Variants in NEGR1 observed in about 807,000 individuals in gnomAD.
The protein encoded by NEGR1 is neuronal growth regulator 1.
NEGR1 carries 10 observed loss-of-function variants against 40.9 expected under a neutral mutation model. The ratio of observed to expected loss-of-function variants is 0.24; its 90% CI spans 0.15 to 0.42. NEGR1 has a LOEUF of 0.42. NEGR1 is among the 10% of genes least tolerant of loss of function. The pLI, the probability that NEGR1 is intolerant of heterozygous loss-of-function variation, is 1.00. For synonymous variants in NEGR1, 185 were observed against 166.8 expected (o/e 1.11, Z -0.84); for missense variants, 352 against 438.9 (o/e 0.80, Z 1.77).
intron 1 of NEGR1, among the ~76,000 whole-genome samples, chr1:72,080,206 G>A (rs1647936197): frequency 6.6e-6 from 1 of 152,034 alleles, no homozygotes; most frequent in Non-Finnish European, 1.5e-5. Context: ...TTATCAGGGT[G>A]ATTTTGAAGT....
chr1:71,990,246 T>C (rs1646437487), intron 1 of NEGR1, among the ~76,000 whole-genome samples: 1 of 152,188 alleles, frequency 6.6e-6, no homozygotes, highest in Admixed American at 6.5e-5. Context: ...CTGTCACAGC[T>C]ACCTGACTCC....
At chr1:72,275,746 A>G (rs987899958) in intron 1 of NEGR1, among the ~76,000 whole-genome samples, 6 of 152,236 alleles carry the variant, frequency 3.9e-5, no homozygotes, top group Admixed American at 6.5e-5. Flanking sequence ...AGACACAAAC[A>G]TAAGTGTCTT....
chr1:71,998,740 C>T (rs1646528035), intron 1 of NEGR1, among the ~76,000 whole-genome samples: 1 of 151,048 alleles, frequency 6.6e-6, no homozygotes, highest in African/African-American at 2.4e-5. Context: ...TTCTTTTATA[C>T]ATAAGTATAT....
intron 2 of NEGR1, among the ~76,000 whole-genome samples, chr1:71,881,877 C>T (rs1016322521): frequency 6.6e-6 from 1 of 152,028 alleles, no homozygotes; most frequent in Non-Finnish European, 1.5e-5. Context: ...TCAGCTACAT[C>T]TGTGTACTGT....
intron 1 of NEGR1, among the ~76,000 whole-genome samples, chr1:72,122,986 T>C (rs17588812): frequency 0.033 from 4,972 of 152,060 alleles, 128 homozygotes; most frequent in Admixed American, 0.059. Flanking sequence ...ATTGAGAACA[T>C]GTAACATTCC....
Position 72,015,114 on chromosome 1 carries a change from CTAA to C in NEGR1, c.177-79806_177-79804del, listed in dbSNP as rs904506717. ...AGAAAAAAATCTTTTGACAGTCACA[CTAA>C]TGAGTTAAACTAGAAAATACAATTT... On this transcript the variant is annotated intron_variant, in intron 1 of 6. Coordinates refer to ENST00000357731, the MANE Select transcript of NEGR1 (RefSeq NM_173808.3). 1.9e-5 allele frequency among the ~76,000 whole-genome samples: 2 copies of C among 105,626 alleles called. 1 individual carries two copies. Among genetic ancestry groups the C allele is most frequent in the East Asian group, 7.3e-4 (2 of 2,728 alleles). 69.3% of individuals were successfully genotyped at this position (105,626 alleles called of 152,430 possible). A position where few individuals can be genotyped will look rare whatever the true frequency, so the allele number is the denominator to read the frequency against.
rs1660628645 is a variant in NEGR1, at chr1:71,883,229, C to T, written c.409+51850G>A. Among the ~76,000 whole-genome samples, 4 of 152,120 alleles carry T rather than the reference C, an allele frequency of 2.6e-5. No homozygotes were observed. In the South Asian group the frequency reaches 8.3e-4, roughly 32 times the overall value. On this transcript the variant is annotated intron_variant, in intron 2 of 6. Transcript: ENST00000357731. ...TTTCCTCTATTACATTCCATTCAGACCATAAAACTGCCACCTTAATTCTAT... is the reference window on the plus strand; with the variant it reads ...TTTCCTCTATTACATTCCATTCAGATCATAAAACTGCCACCTTAATTCTAT...
intron 6 of NEGR1, among the ~76,000 whole-genome samples, chr1:71,589,524 A>AT (rs1649429416): frequency 6.6e-6 from 1 of 151,898 alleles, no homozygotes; most frequent in South Asian, 2.1e-4. Flanking sequence ...AAATGACCTA[A>AT]TTTTTTCTTT....
chr1:71,754,177 C>T (rs2101691091), intron 3 of NEGR1, among the ~76,000 whole-genome samples: 1 of 152,262 alleles, frequency 6.6e-6, no homozygotes, highest in African/African-American at 2.4e-5. Context: ...GAAGTGGAGT[C>T]CAATGACCAG....
chr1:71,651,849 C>A (rs530971721), intron 4 of NEGR1, among the ~76,000 whole-genome samples: 1 of 152,224 alleles, frequency 6.6e-6, no homozygotes, highest in East Asian at 1.9e-4. Context: ...TGAATCCTTA[C>A]AATTTTATAA....
intron 1 of NEGR1, among the ~76,000 whole-genome samples, chr1:72,235,592 T>C (rs1028297384): frequency 3.9e-5 from 6 of 152,034 alleles, no homozygotes; most frequent in African/African-American, 1.2e-4. Context: ...GAGTAAAATC[T>C]GGAAGGAGGA....
At chr1:71,613,214 C>G (rs1436401002) in intron 4 of NEGR1, among the ~76,000 whole-genome samples, 1 of 151,978 alleles carries the variant, frequency 6.6e-6, no homozygotes, top group Non-Finnish European at 1.5e-5. Flanking sequence ...GGCTTGTGGT[C>G]TACTCTGAAA....
chr1:71,682,332 T>TTAA (rs1652866441), intron 4 of NEGR1, among the ~76,000 whole-genome samples: 1 of 152,240 alleles, frequency 6.6e-6, no homozygotes, highest in African/African-American at 2.4e-5. Flanking sequence ...TCTCATTTCT[T>TTAA]TAAACTTATG....
At chr1:71,732,564 G>A (rs2101666094) in intron 3 of NEGR1, among the ~76,000 whole-genome samples, 1 of 151,960 alleles carries the variant, frequency 6.6e-6, no homozygotes, top group South Asian at 2.1e-4. Context: ...CATTCGTGTT[G>A]ACATTGATAA....
intron 3 of NEGR1, among the ~76,000 whole-genome samples, chr1:71,759,806 C>T (rs974739212): frequency 1.3e-5 from 2 of 151,270 alleles, no homozygotes; most frequent in East Asian, 2.0e-4. Context: ...GACGGGGTTT[C>T]GGCATGTCAC....
chr1:71,733,626 A>C (rs536373674), intron 3 of NEGR1, among the ~76,000 whole-genome samples: 1 of 152,274 alleles, frequency 6.6e-6, no homozygotes, highest in East Asian at 1.9e-4. Context: ...ATAAAGGAAA[A>C]ATTATAGAAG....
At chr1:72,116,080 C>T (rs1329613898) in intron 1 of NEGR1, among the ~76,000 whole-genome samples, 1 of 151,622 alleles carries the variant, frequency 6.6e-6, no homozygotes, top group South Asian at 2.1e-4. Context: ...CCCTAGACAG[C>T]ATTACTGTAT....
chr1:71,868,946 C>A (rs2101831066), intron 2 of NEGR1, among the ~76,000 whole-genome samples: 1 of 152,170 alleles, frequency 6.6e-6, no homozygotes, highest in Non-Finnish European at 1.5e-5. Flanking sequence ...TCCTCTTCAA[C>A]CTTCATGATT....
chr1:71,499,695 T>C (rs1180598873), intron 6 of NEGR1, among the ~76,000 whole-genome samples: 1 of 151,912 alleles, frequency 6.6e-6, no homozygotes, highest in African/African-American at 2.4e-5. Context: ...ATGATCCTTC[T>C]TAACCTTTGC....
Sources: allele counts gnomAD v4.1 joint callset (sites outside exome capture counted in the v4.1 genomes callset), GRCh38; gene constraint gnomAD v4.1.1; transcripts MANE v1.5; gene names NCBI Gene and HGNC (gene_info 2026-07-23, HGNC 2026-07-21).